CFAP47: variants seen among roughly 807,000 people sequenced by gnomAD.
CFAP47 encodes cilia- and flagella-associated protein 47.
Under a neutral mutation model 148.1 loss-of-function variants are expected in CFAP47, and 29 were observed. The observed-to-expected ratio is 0.20, with a 90% CI of 0.15 to 0.27. The LOEUF is 0.27. Among genes scored for constraint, CFAP47 ranks in the 10% least tolerant of loss-of-function variants. The pLI, the probability that CFAP47 is intolerant of heterozygous loss-of-function variation, is 1.00. For synonymous variants in CFAP47, 664 were observed against 577.3 expected, an observed-to-expected ratio of 1.15 and a Z score of -2.15; for missense variants, 1,872 against 1,697.5, an observed-to-expected ratio of 1.10 and a Z score of -1.81.
chrX:36,078,281 C>G (rs911540187), intron 29 of CFAP47, among the ~76,000 whole-genome samples: 38 of 110,840 alleles, frequency 3.4e-4, no homozygotes, highest in African/African-American at 1.2e-3. Context: ...TCTCGTAGAT[C>G]TGTCTCATAT....
At chrX:36,064,491 G>T (rs1018177302) in intron 26 of CFAP47, among the ~76,000 whole-genome samples, 1 of 111,915 alleles carries the variant, frequency 8.9e-6, no homozygotes, top group Non-Finnish European at 1.9e-5. Context: ...ATGCAGAACT[G>T]AGGTGGAAAT....
chrX:36,062,680 A>T (rs1937604069), intron 26 of CFAP47, among the ~76,000 whole-genome samples: 1 of 110,811 alleles, frequency 9.0e-6, no homozygotes, highest in Admixed American at 9.7e-5. Flanking sequence ...CCGTAGACAG[A>T]TTAGTTGTTT....
chrX:36,218,548 A>T (rs1033803454), intron 45 of CFAP47, among the ~76,000 whole-genome samples: 22 of 111,883 alleles, frequency 2.0e-4, no homozygotes, highest in Middle Eastern at 4.7e-3. Context: ...GAGATCTGGT[A>T]GTAGTGGTGG....
rs1250595807 is a variant in CFAP47 at position 35,975,256 on chromosome X, T to C, written c.2364T>C (p.Asp788=). Residue 788 remains aspartate, a synonymous_variant, in exon 14 of 64, where the codon GAT becomes GAC. Coordinates refer to ENST00000378653, the MANE Select transcript of CFAP47 (RefSeq NM_001304548.2). ...ATGTTTTGCTCCAGTTAGATACTGA[T>C]TTAGAAGAACTTCAGAAGACCAACC... ...PMHVLLQLDT[D]LEELQKTNQF... is the part of the protein sequence containing the mutation. 8.3e-7 allele frequency: 1 copy of C among 1,200,592 alleles called. No homozygotes were observed.
intron 49 of CFAP47, among the ~76,000 whole-genome samples, chrX:36,251,857 G>A (rs1005644698): frequency 1.8e-5 from 2 of 111,360 alleles, no homozygotes; most frequent in Non-Finnish European, 3.8e-5. Context: ...TAAGTTAAAG[G>A]TTTGATATAT....
At chrX:36,137,206 C>T (rs982801840) in intron 33 of CFAP47, among the ~76,000 whole-genome samples, 2 of 111,019 alleles carry the variant, frequency 1.8e-5, no homozygotes, top group African/African-American at 6.5e-5. Context: ...TCACCATTTG[C>T]CCCTTGTTTT....
intron 49 of CFAP47, among the ~76,000 whole-genome samples, chrX:36,256,836 C>T (rs1200229253): frequency 9.0e-6 from 1 of 111,493 alleles, no homozygotes; most frequent in African/African-American, 3.3e-5. Context: ...AGCCAAGATT[C>T]CAGCCACTAC....
chrX:35,997,885 A>T (rs1936866978), intron 19 of CFAP47, among the ~76,000 whole-genome samples: 1 of 111,634 alleles, frequency 9.0e-6, no homozygotes, highest in Admixed American at 9.5e-5. Flanking sequence ...CATAATAGTT[A>T]TTTGTGTAGA....
At chrX:36,359,080 C>A (rs1244481831) in intron 60 of CFAP47, among the ~76,000 whole-genome samples, 2 of 112,018 alleles carry the variant, frequency 1.8e-5, no homozygotes, top group Non-Finnish European at 3.8e-5. Context: ...TCAAGGAAAA[C>A]CTTTAATTAA....
rs1942113851 is a variant in CFAP47, at chrX:36,384,916, T to C, written c.9474T>C (p.Arg3158=). 1 of 1,164,421 alleles carries C rather than the reference T, an allele frequency of 8.6e-7. No homozygotes were observed. Among genetic ancestry groups the C allele is most frequent in the African/African-American group, 1.8e-5 (1 of 55,551 alleles). ...THKTHDNMPV[R]PHNFVRENTK... Reference sequence around the variant, plus strand: ...AGACACATGACAACATGCCAGTCCGTCCACATAATTTTGTCCGTGAAAATA... The same window carrying C: ...AGACACATGACAACATGCCAGTCCGCCCACATAATTTTGTCCGTGAAAATA... Residue 3158 remains arginine, a synonymous_variant, in exon 64 of 64, where the codon CGT becomes CGC. Coordinates refer to ENST00000378653, the MANE Select transcript of CFAP47 (RefSeq NM_001304548.2).
intron 15 of CFAP47, chrX:35,986,025 A>C (rs1469910554): frequency 7.8e-6 from 2 of 255,621 alleles, no homozygotes; most frequent in African/African-American, 5.7e-5. Context: ...CCATGGTCTC[A>C]GGTAGTAAGT....
intron 36 of CFAP47, among the ~76,000 whole-genome samples, chrX:36,146,877 G>T (rs1939242645): frequency 9.3e-6 from 1 of 107,411 alleles, no homozygotes; most frequent in Non-Finnish European, 1.9e-5. Context: ...GCCTTCGCAG[G>T]TTCAAGCGAT....
chrX:36,068,512 T>A (rs1937681883), intron 27 of CFAP47, among the ~76,000 whole-genome samples: 1 of 111,860 alleles, frequency 8.9e-6, no homozygotes, highest in African/African-American at 3.2e-5. Flanking sequence ...TATATTTTCA[T>A]AAAAGAATGG....
intron 29 of CFAP47, among the ~76,000 whole-genome samples, chrX:36,080,885 A>G (rs901759902): frequency 4.5e-5 from 5 of 111,966 alleles, no homozygotes; most frequent in African/African-American, 1.3e-4. Flanking sequence ...CATATGTAAC[A>G]AACCTGCACA....
At chrX:35,975,992 G>A (rs1429750568) in intron 15 of CFAP47, 79 bp downstream of exon 15, 3 of 991,343 alleles carry the variant, frequency 3.0e-6, no homozygotes, top group Admixed American at 4.6e-5. Context: ...TATTTATTGA[G>A]TGTGTACTGT....
At chrX:36,018,819 A>G (rs1412500872) in intron 22 of CFAP47, among the ~76,000 whole-genome samples, 1 of 107,771 alleles carries the variant, frequency 9.3e-6, no homozygotes, top group Non-Finnish European at 1.9e-5. Context: ...TTTTTTTTAA[A>G]TGCGTCATTG....
chrX:35,983,757 A>G (rs1465371441), intron 15 of CFAP47, among the ~76,000 whole-genome samples: 1 of 111,855 alleles, frequency 8.9e-6, no homozygotes, highest in Non-Finnish European at 1.9e-5. Context: ...TATGTGATGG[A>G]TCACATTTAT....
At chrX:36,271,711 G>A (rs1047247924) in intron 49 of CFAP47, among the ~76,000 whole-genome samples, 22 of 111,769 alleles carry the variant, frequency 2.0e-4, no homozygotes, top group Non-Finnish European at 3.8e-4. Context: ...AGTAGGATGA[G>A]ACATCATTTG....
intron 39 of CFAP47, among the ~76,000 whole-genome samples, chrX:36,161,167 A>G (rs1285801093): frequency 9.0e-6 from 1 of 111,416 alleles, no homozygotes; most frequent in Non-Finnish European, 1.9e-5. Flanking sequence ...CATCTCTTCA[A>G]CATGAACCAT....
Sources: gnomAD v4.1 joint callset for allele counts (sites outside exome capture counted in the v4.1 genomes callset) on GRCh38, gnomAD v4.1.1 for gene constraint, MANE v1.5 for transcripts, NCBI Gene and HGNC (gene_info 2026-07-23, HGNC 2026-07-21) for gene names.